PPP1R12B: variants seen among roughly 807,000 people sequenced by gnomAD.
PPP1R12B encodes the protein protein phosphatase 1 regulatory subunit 12B, also known as myosin phosphatase target subunit 2.
In PPP1R12B, 76 loss-of-function variants were observed where a neutral mutation model predicts 126.1. That is an observed-to-expected ratio of 0.60 (90% confidence interval 0.50 to 0.73). PPP1R12B has a LOEUF of 0.73. Ranked by LOEUF, PPP1R12B falls within the 30% of genes least tolerant of loss-of-function variation. The pLI is 0.00. For missense variants in PPP1R12B, 1,052 were observed against 1,205.1 expected (o/e 0.87, Z 1.88); for synonymous variants, 356 against 434.7 (o/e 0.82, Z 2.25).
At chr1:202,463,084 G>A (rs1674521077) in intron 13 of PPP1R12B, 1 of 984,130 alleles carries the variant, frequency 1.0e-6, no homozygotes, top group Admixed American at 6.2e-5. Context: ...GGCCTGGAAT[G>A]TCAGAAGCAG....
chr1:202,470,397 C>T (rs2148788204), intron 13 of PPP1R12B, among the ~76,000 whole-genome samples: 1 of 152,204 alleles, frequency 6.6e-6, no homozygotes, highest in East Asian at 1.9e-4. Flanking sequence ...CTGTTTGGAA[C>T]AGTCCTTTAA....
chr1:202,398,380 T>C (rs1367328404), intron 1 of PPP1R12B, among the ~76,000 whole-genome samples: 1 of 152,226 alleles, frequency 6.6e-6, no homozygotes, highest in Non-Finnish European at 1.5e-5. Context: ...TCCTACTTCA[T>C]CCTCACTGTC....
At chr1:202,421,638 TCAAAAAAAAAAA>T in intron 2 of PPP1R12B, among the ~76,000 whole-genome samples, 1 of 145,584 alleles carries the variant, frequency 6.9e-6, no homozygotes, top group Non-Finnish European at 1.5e-5. Context: ...AGACTCTGTC[TCAAAAAAAAAAA>T]CAAAAAAAAA....
At position 202,357,960 on chromosome 1, in the gene PPP1R12B, G is replaced by A. The variant is rs556770791; in HGVS notation, c.291+8818G>A. ...GGCTACATAACCGATTTCTGTTCTA[G>A]CATTCTGGCTCTTGAGGAGTGTCAG... On this transcript the variant is annotated intron_variant, in intron 1 of 23. Coordinates refer to ENST00000608999, the MANE Select transcript of PPP1R12B (RefSeq NM_002481.4). Among the ~76,000 whole-genome samples, 6 of 152,230 alleles carry A rather than the reference G, an allele frequency of 3.9e-5. No individual in the cohort carries two copies. The East Asian group carries it at 7.7e-4, about 20-fold the overall frequency.
At chr1:202,575,858 A>G (rs990624529) in intron 23 of PPP1R12B, 4 of 151,560 alleles carry the variant, frequency 2.6e-5, no homozygotes, top group Admixed American at 2.0e-4. Flanking sequence ...CACGGCTGAC[A>G]ACATTACCGA....
At chr1:202,492,557 A>G (rs1402933508) in intron 14 of PPP1R12B, among the ~76,000 whole-genome samples, 4 of 152,168 alleles carry the variant, frequency 2.6e-5, no homozygotes, top group Non-Finnish European at 5.9e-5. Context: ...TGTGGGGGGA[A>G]CATTAATTGT....
At chr1:202,542,562 G>T (rs1685235454) in intron 18 of PPP1R12B, among the ~76,000 whole-genome samples, 1 of 152,222 alleles carries the variant, frequency 6.6e-6, no homozygotes, top group Non-Finnish European at 1.5e-5. Context: ...AGCTGTGGGA[G>T]TCCAAAATTT....
At chr1:202,364,122 A>G (rs541881078) in intron 1 of PPP1R12B, among the ~76,000 whole-genome samples, 1 of 152,212 alleles carries the variant, frequency 6.6e-6, no homozygotes, top group Non-Finnish European at 1.5e-5. Context: ...TACCTTAAGC[A>G]TGGTACAGAA....
intron 10 of PPP1R12B, chr1:202,438,316 T>A: frequency 7.0e-7 from 1 of 1,427,108 alleles, no homozygotes; most frequent in South Asian, 1.2e-5. Flanking sequence ...AACATAAAAA[T>A]TTCAGTATGG....
Position 202,493,164 on chromosome 1 carries a change from G to A in PPP1R12B, c.1992G>A (p.Ser664=), listed in dbSNP as rs1679114267. Residue 664 remains serine (S), a synonymous_variant, in exon 15 of 24, where the codon TCG becomes TCA. Transcript: ENST00000608999. ...AAGCAGAAAGGACATTCAGCCGGTC[G>A]AGGGCAGAGAGGCAAGCTCAGGAGC... ...LQEAERTFSR[S]RAERQAQEQP... is the part of the protein sequence containing the mutation. The A allele has an allele frequency of 6.2e-7, 1 of 1,612,196 alleles. No homozygotes were observed. Among genetic ancestry groups the A allele is most frequent in the South Asian group, 1.1e-5 (1 of 90,994 alleles).
At chr1:202,355,423 C>T (rs1656901091) in intron 1 of PPP1R12B, among the ~76,000 whole-genome samples, 1 of 152,062 alleles carries the variant, frequency 6.6e-6, no homozygotes, top group Non-Finnish European at 1.5e-5. Flanking sequence ...GGATGTATTC[C>T]TAAGTGGAAG....
chr1:202,446,558 C>T (rs909301393), intron 12 of PPP1R12B, among the ~76,000 whole-genome samples: 11 of 147,810 alleles, frequency 7.4e-5, no homozygotes, highest in Admixed American at 5.4e-4. Flanking sequence ...TGCACCCGGC[C>T]GTATTACTAT....
Position 202,353,921 on chromosome 1 carries a change from A to G in PPP1R12B, c.291+4779A>G, listed in dbSNP as rs113214479. ...AGCCACTATGCCTGGCCTCTCCCCAATTCTTCAACTCCTGCTGAATAACTG... is the reference window on the plus strand; with the variant it reads ...AGCCACTATGCCTGGCCTCTCCCCAGTTCTTCAACTCCTGCTGAATAACTG... On this transcript the variant is annotated intron_variant, in intron 1 of 23. Coordinates refer to ENST00000608999, the MANE Select transcript of PPP1R12B (RefSeq NM_002481.4). 4.2e-3 allele frequency among the ~76,000 whole-genome samples: 643 copies of G among 151,880 alleles called. 10 individuals carry two copies. In the East Asian group the frequency reaches 0.059, roughly 14 times the overall value.
chr1:202,493,328 T>G lies in PPP1R12B; in HGVS notation c.2145+11T>G, dbSNP rs374595692. On this transcript the variant is annotated intron_variant, in intron 15 of 23. Transcript: ENST00000608999. The stretch of plus-strand genomic sequence containing the variant: ...AGTCTGGATGAAGAGGTGAGCTCAT[T>G]TTTGCTGGCATGTACTGTGCTAAAA... 3 of 1,610,034 alleles carry G rather than the reference T, an allele frequency of 1.9e-6. No individual in the cohort carries two copies. In the African/African-American group the frequency reaches 4.0e-5, roughly 21 times the overall value.
chr1:202,427,173 C>T lies in PPP1R12B; in HGVS notation c.835C>T (p.Arg279Ter), dbSNP rs1025729982. The T allele has an allele frequency of 6.2e-7, 1 of 1,613,862 alleles. No homozygotes were observed. The highest frequency in any genetic ancestry group is 8.5e-7 in the Non-Finnish European group (1 of 1,179,976). The change falls in exon 5 of 24, where the codon CGA (arginine) becomes TGA (stop). Residue 279 changes from arginine (R) to a stop codon, truncating the protein, a stop_gained. Transcript: ENST00000608999. LOFTEE classifies it high-confidence loss of function. The stretch of plus-strand genomic sequence containing the variant: ...AGAAGCACTTTGTGACATGGATATT[C>T]GAAATAAACTGGTTAGTGAGCCTGA... Reference protein sequence around the residue: ...LAEALCDMDIRNKLGQTPFDV... With the variant: ...LAEALCDMDI
At chr1:202,502,045 C>A in intron 18 of PPP1R12B, 1 of 985,174 alleles carries the variant, frequency 1.0e-6, no homozygotes, top group South Asian at 4.7e-5. Context: ...ACTTTTCATA[C>A]TTTTCTTTTC....
chr1:202,421,639 C>CAA (rs573505484), intron 2 of PPP1R12B, among the ~76,000 whole-genome samples: 3 of 108,226 alleles, frequency 2.8e-5, no homozygotes, highest in Non-Finnish European at 3.9e-5. Context: ...GACTCTGTCT[C>CAA]AAAAAAAAAA....
chr1:202,479,266 T>C (rs1386594614), intron 13 of PPP1R12B, among the ~76,000 whole-genome samples: 1 of 152,220 alleles, frequency 6.6e-6, no homozygotes. Context: ...TGGGGACTTC[T>C]GCTTCAGTCT....
chr1:202,558,940 A>C (rs1572504545), intron 19 of PPP1R12B, 47 bp downstream of exon 19: 4 of 1,522,626 alleles, frequency 2.6e-6, no homozygotes, highest in East Asian at 4.7e-5. Flanking sequence ...CTTGTGAGTG[A>C]ATGCATGTCG....
Sources: allele counts gnomAD v4.1 joint callset (sites outside exome capture counted in the v4.1 genomes callset), GRCh38; gene constraint gnomAD v4.1.1; transcripts MANE v1.5; gene names NCBI Gene and HGNC (gene_info 2026-07-23, HGNC 2026-07-21).